Variants in ANGEL2 observed in about 807,000 individuals in gnomAD.
The protein encoded by ANGEL2 is RNA 2',3'-cyclic phosphatase ANGEL2.
A neutral mutation model predicts 66.0 loss-of-function variants in ANGEL2; 41 were observed. The observed-to-expected ratio is 0.62, with a 90% CI of 0.48 to 0.81. The LOEUF is 0.81. Ranked by LOEUF, ANGEL2 falls within the 30% of genes least tolerant of loss-of-function variation. The pLI is 0.00. For missense variants in ANGEL2, 561 were observed against 641.6 expected, an observed-to-expected ratio of 0.87 and a Z score of 1.36; for synonymous variants, 208 against 226.5, an observed-to-expected ratio of 0.92 and a Z score of 0.73.
chr1:213,010,277 A>G (rs1046757338), intron 2 of ANGEL2, among the ~76,000 whole-genome samples: 3 of 151,748 alleles, frequency 2.0e-5, no homozygotes, highest in Non-Finnish European at 4.4e-5. Flanking sequence ...CTATAGGGAA[A>G]ACAGAACTGA....
intron 6 of ANGEL2, 198 bp downstream of exon 6, chr1:213,000,587 TA>T: frequency 1.3e-6 from 1 of 756,602 alleles, no homozygotes; most frequent in East Asian, 2.9e-5. Flanking sequence ...AACATGCAAG[TA>T]AATCATGCAC....
chr1:213,002,409 G>C (rs928018523), intron 5 of ANGEL2, among the ~76,000 whole-genome samples: 2 of 152,190 alleles, frequency 1.3e-5, no homozygotes, highest in African/African-American at 4.8e-5. Context: ...TTTTTCCACT[G>C]ACATAGCACA....
At chr1:212,995,309 A>C in intron 8 of ANGEL2, 117 bp from the exon 9 acceptor site, 1 of 737,388 alleles carries the variant, frequency 1.4e-6, no homozygotes, top group South Asian at 3.4e-5. Context: ...AGAAGACTAA[A>C]AACTATGACA....
chr1:212,999,750 A>G (rs906224790), intron 7 of ANGEL2, among the ~76,000 whole-genome samples: 2 of 152,258 alleles, frequency 1.3e-5, no homozygotes, highest in Non-Finnish European at 2.9e-5. Context: ...TCTTTAATGA[A>G]GAATTCCAGC....
intron 4 of ANGEL2, 118 bp from the exon 5 acceptor site, chr1:213,005,572 T>A: frequency 9.2e-7 from 1 of 1,086,028 alleles, no homozygotes; most frequent in South Asian, 1.6e-5. Context: ...ACATTAGTAA[T>A]GTAGGATGTC....
At chr1:213,015,044 G>A (rs2076604924) in intron 1 of ANGEL2, 3 of 909,426 alleles carry the variant, frequency 3.3e-6, no homozygotes, top group African/African-American at 1.8e-5. Flanking sequence ...AAAAAACTGA[G>A]TCAATTTAAA....
rs1348576089 is a variant in ANGEL2 at position 213,013,150 on chromosome 1, T to C, written c.328A>G (p.Ser110Gly). 6.2e-6 allele frequency: 10 copies of C among 1,614,188 alleles called. No individual in the cohort carries two copies. The highest frequency in any genetic ancestry group is 8.5e-6 in the Non-Finnish European group (10 of 1,180,018). The change falls in exon 2 of 9, where the codon AGT becomes GGT. Residue 110 changes from serine (S) to glycine (G), a missense_variant. Physicochemically the swap from Ser to Gly is moderately conservative, Grantham distance 56. Transcript: ENST00000366962. ...TCTCCCTCAGCGTTCATGACGTAACTAGAGAGATGAATCAAAGATGTCTGG... is the reference window on the plus strand; with the variant it reads ...TCTCCCTCAGCGTTCATGACGTAACCAGAGAGATGAATCAAAGATGTCTGG... Reference protein sequence around the residue: ...LSQTSLIHLSSYVMNAEGDEP... With the variant: ...LSQTSLIHLSGYVMNAEGDEP...
At chr1:213,012,438 AT>A (rs1342051352) in intron 2 of ANGEL2, among the ~76,000 whole-genome samples, 1 of 152,224 alleles carries the variant, frequency 6.6e-6, no homozygotes, top group East Asian at 1.9e-4. Context: ...AGTCTAGTGA[AT>A]TGTTCAGAGT....
intron 6 of ANGEL2, 118 bp downstream of exon 6, chr1:213,000,668 A>G (rs747518683): frequency 4.4e-6 from 5 of 1,136,890 alleles, no homozygotes; most frequent in Non-Finnish European, 6.0e-6. Flanking sequence ...GAATAACTAC[A>G]TATTTATATA....
chr1:212,996,640 A>AAAAAAAAAT (rs56102625), intron 8 of ANGEL2, among the ~76,000 whole-genome samples: 3 of 66,484 alleles, frequency 4.5e-5, no homozygotes, highest in African/African-American at 1.4e-4. Context: ...AAAAAAAAAA[A>AAAAAAAAAT]ATATATATAT....
chr1:212,996,637 AAAAATATATAT>A (rs1379686065), intron 8 of ANGEL2, among the ~76,000 whole-genome samples: 6 of 51,106 alleles, frequency 1.2e-4, no homozygotes, highest in Admixed American at 2.9e-4. Flanking sequence ...AAAAAAAAAA[AAAAATATATAT>A]ATATATATAT....
chr1:213,006,631 A>C (rs1216261118), intron 4 of ANGEL2: 1 of 152,858 alleles, frequency 6.5e-6, no homozygotes, highest in Non-Finnish European at 1.5e-5. Flanking sequence ...ATAATGATGA[A>C]CGAGACAAAA....
In ANGEL2 at chr1:213,015,789, C is replaced by A; in HGVS notation, c.-118G>T. 3 of 1,396,516 alleles carry A rather than the reference C, an allele frequency of 2.1e-6. No homozygotes were observed. The highest frequency in any genetic ancestry group is 3.0e-6 in the Non-Finnish European group (3 of 1,004,652). The allele number at this position is 1,396,516 out of a possible 1,614,324, so 86.5% of individuals were successfully genotyped here. A position where few individuals can be genotyped will look rare whatever the true frequency, so the allele number is the denominator to read the frequency against. On this transcript the variant is annotated 5_prime_UTR_variant, in exon 1 of 9. Transcript: ENST00000366962. ...ATCACTCTTAAGTACCGACTCCAGT[C>A]CTGGCTGCAAGGCATGCTGGGAGGT...
At chr1:212,998,367 A>AT (rs2076083346) in intron 7 of ANGEL2, among the ~76,000 whole-genome samples, 4 of 151,938 alleles carry the variant, frequency 2.6e-5, no homozygotes, top group Admixed American at 1.3e-4. Flanking sequence ...ATGCCACTGC[A>AT]CTCTAGCCTG....
At chr1:213,012,172 G>C (rs2076525875) in intron 2 of ANGEL2, among the ~76,000 whole-genome samples, 1 of 152,154 alleles carries the variant, frequency 6.6e-6, no homozygotes, top group Non-Finnish European at 1.5e-5. Flanking sequence ...AAAACCAGAG[G>C]GAACCTGAAG....
intron 8 of ANGEL2, among the ~76,000 whole-genome samples, chr1:212,996,000 T>C (rs537030478): frequency 6.6e-6 from 1 of 152,346 alleles, no homozygotes; most frequent in Non-Finnish European, 1.5e-5. Context: ...TTAAATCCTT[T>C]GGCTAATGTT....
intron 8 of ANGEL2, among the ~76,000 whole-genome samples, chr1:212,996,747 T>C (rs2076035877): frequency 6.7e-6 from 1 of 149,862 alleles, no homozygotes; most frequent in African/African-American, 2.5e-5. Flanking sequence ...AGTGTAACTA[T>C]GGTCCTCCAA....
intron 4 of ANGEL2, 72 bp from the exon 5 acceptor site, chr1:213,005,526 C>T: frequency 7.2e-7 from 1 of 1,387,522 alleles, no homozygotes; most frequent in Non-Finnish European, 9.7e-7. Context: ...TCACCTGATA[C>T]TTCTGAACAA....
In ANGEL2 at chr1:213,015,841, C is replaced by G. The variant is rs553509556; in HGVS notation, c.-170G>C. On this transcript the variant is annotated 5_prime_UTR_variant, in exon 1 of 9. An upstream start codon of the reference 5' UTR is lost. Coordinates refer to ENST00000366962, the MANE Select transcript of ANGEL2 (RefSeq NM_144567.5). ...CAGTCTCGCCGGCCGGCCTACACTC[C>G]ATCTTGCGCAGTCAGAGTCCCTGAA... is the stretch of plus-strand genomic sequence containing the variant. The G allele has an allele frequency of 1.3e-6, 1 of 770,676 alleles. No individual in the cohort carries two copies. Among genetic ancestry groups the G allele is most frequent in the African/African-American group, 1.7e-5 (1 of 57,720 alleles). 47.7% of individuals were successfully genotyped at this position (770,676 alleles called of 1,614,324 possible).
Sources: allele counts gnomAD v4.1 joint callset (sites outside exome capture counted in the v4.1 genomes callset), GRCh38; gene constraint gnomAD v4.1.1; transcripts MANE v1.5; gene names NCBI Gene and HGNC (gene_info 2026-07-23, HGNC 2026-07-21).